GRIN2B: variants seen among roughly 807,000 people sequenced by gnomAD.
GRIN2B encodes glutamate ionotropic receptor NMDA type subunit 2B, also known as glutamate receptor ionotropic, NMDA 2B.
GRIN2B carries 5 observed loss-of-function variants against 114.5 expected under a neutral mutation model. The observed-to-expected ratio is 0.04, with a 90% CI of 0.02 to 0.09. GRIN2B has a LOEUF of 0.09. Among genes scored for constraint, GRIN2B ranks in the 10% least tolerant of loss-of-function variants. The pLI is 1.00. For synonymous variants in GRIN2B, 787 were observed against 745.1 expected (o/e 1.06, Z -0.92); for missense variants, 1,108 against 1,943.5 (o/e 0.57, Z 8.08).
At chr12:13,663,493 G>C (rs1565492654) in intron 5 of GRIN2B, among the ~76,000 whole-genome samples, 2 of 152,294 alleles carry the variant, frequency 1.3e-5, no homozygotes, top group Middle Eastern at 3.4e-3. Context: ...AATGGTTACT[G>C]AGAACCCACA....
chr12:13,783,357 G>A (rs538079655), intron 3 of GRIN2B, among the ~76,000 whole-genome samples: 10 of 152,140 alleles, frequency 6.6e-5, no homozygotes, highest in Non-Finnish European at 1.3e-4. Flanking sequence ...TAGGCAACAG[G>A]ATTCCCTATG....
rs1354455097 is a variant in GRIN2B at position 13,542,665 on chromosome 12, C to T, written c.*20118G>A. 3 of 152,312 alleles carry T rather than the reference C, an allele frequency of 2.0e-5. No individual in the cohort carries two copies. The highest frequency in any genetic ancestry group is 4.4e-5 in the Non-Finnish European group (3 of 68,092). The allele number at this position is 152,312 out of a possible 1,614,324, so 9.4% of individuals were successfully genotyped here. On this transcript the variant is annotated 3_prime_UTR_variant, in exon 14 of 14. Transcript: ENST00000609686. ...ACGAGAAGCCCAAGACCCCCAGTCC[C>T]TCTTATCACTTGGACTTTCATCCCC...
chr12:13,648,515 G>A (rs1288231465), intron 5 of GRIN2B, among the ~76,000 whole-genome samples: 2 of 151,926 alleles, frequency 1.3e-5, no homozygotes, highest in African/African-American at 4.8e-5. Context: ...AGCTTAAGGG[G>A]CAAGGTGTCA....
intron 3 of GRIN2B, among the ~76,000 whole-genome samples, chr12:13,858,320 T>C (rs1865697944): frequency 6.6e-6 from 1 of 152,132 alleles, no homozygotes; most frequent in South Asian, 2.1e-4. Context: ...CCGTGTAAAA[T>C]AGAATTATAG....
chr12:13,970,349 G>T (rs1867853818), intron 2 of GRIN2B, among the ~76,000 whole-genome samples: 1 of 152,184 alleles, frequency 6.6e-6, no homozygotes, highest in Non-Finnish European at 1.5e-5. Context: ...TCAGCCTAAA[G>T]CTGGCACTAA....
chr12:13,595,480 C>G (rs1205707929), intron 10 of GRIN2B, among the ~76,000 whole-genome samples: 1 of 152,146 alleles, frequency 6.6e-6, no homozygotes, highest in African/African-American at 2.4e-5. Context: ...TGTTTGGACT[C>G]CAAATTATCC....
chr12:13,823,770 T>G (rs2136695598), intron 3 of GRIN2B, among the ~76,000 whole-genome samples: 1 of 152,274 alleles, frequency 6.6e-6, no homozygotes. Context: ...CACTATTGAG[T>G]ATGATGTCGG....
Position 13,610,497 on chromosome 12 carries a change from T to C in GRIN2B, c.1780+1228A>G, listed in dbSNP as rs1408437209. On this transcript the variant is annotated intron_variant, in intron 9 of 13. Coordinates refer to ENST00000609686, the MANE Select transcript of GRIN2B (RefSeq NM_000834.5). The stretch of plus-strand genomic sequence containing the variant: ...CACTGGTGCCACACAGGCTGGGATA[T>C]AGGTCATGGCTTCTGGATGAAGCAC... Among the ~76,000 whole-genome samples the C allele has an allele frequency of 2.0e-5, 3 of 152,208 alleles. No individual in the cohort carries two copies. The East Asian group carries it at 5.8e-4, about 29-fold the overall frequency.
intron 2 of GRIN2B, among the ~76,000 whole-genome samples, chr12:13,923,829 A>G (rs1201431719): frequency 6.6e-6 from 1 of 152,152 alleles, no homozygotes; most frequent in Non-Finnish European, 1.5e-5. Context: ...GGGTGAAGCC[A>G]GTCTACCCTC....
chr12:13,609,884 C>T (rs1949343787), intron 9 of GRIN2B: 1 of 152,230 alleles, frequency 6.6e-6, no homozygotes, highest in Admixed American at 6.5e-5. Flanking sequence ...TTGATTTCCC[C>T]CCACCTAACC....
chr12:13,738,258 G>A (rs759414647), intron 4 of GRIN2B, among the ~76,000 whole-genome samples: 12 of 152,128 alleles, frequency 7.9e-5, no homozygotes, highest in African/African-American at 1.4e-4. Context: ...ACTTTCTAGT[G>A]CTAATAACTT....
chr12:13,821,524 T>C (rs1710653145), intron 3 of GRIN2B, among the ~76,000 whole-genome samples: 1 of 152,092 alleles, frequency 6.6e-6, no homozygotes, highest in South Asian at 2.1e-4. Flanking sequence ...AGGTGAGCAA[T>C]AGAATGGGAC....
chr12:13,750,784 T>C (rs1565523680), intron 4 of GRIN2B, among the ~76,000 whole-genome samples: 2 of 152,152 alleles, frequency 1.3e-5, no homozygotes, highest in Admixed American at 6.5e-5. Flanking sequence ...CCGTGTGCCA[T>C]GCACTGTGCA....
At chr12:13,655,627 T>G (rs1217670963) in intron 5 of GRIN2B, among the ~76,000 whole-genome samples, 1 of 152,188 alleles carries the variant, frequency 6.6e-6, no homozygotes, top group African/African-American at 2.4e-5. Context: ...TGACTAGCTG[T>G]GTCCTTCAGA....
intron 3 of GRIN2B, among the ~76,000 whole-genome samples, chr12:13,760,666 G>C (rs1341229682): frequency 2.6e-5 from 4 of 152,172 alleles, no homozygotes; most frequent in Non-Finnish European, 5.9e-5. Flanking sequence ...ATCAGATTAA[G>C]GAAGGCAAAT....
At chr12:13,597,054 C>T (rs1949082956) in intron 10 of GRIN2B, among the ~76,000 whole-genome samples, 1 of 152,196 alleles carries the variant, frequency 6.6e-6, no homozygotes, top group Non-Finnish European at 1.5e-5. Context: ...GGATCAAATC[C>T]TGGAACCCTC....
At chr12:13,838,207 C>T (rs893493169) in intron 3 of GRIN2B, among the ~76,000 whole-genome samples, 4 of 152,118 alleles carry the variant, frequency 2.6e-5, no homozygotes, top group Non-Finnish European at 5.9e-5. Context: ...AAGTGTTTAA[C>T]AAACACTACT....
At chr12:13,747,766 A>G (rs937737119) in intron 4 of GRIN2B, among the ~76,000 whole-genome samples, 8 of 152,248 alleles carry the variant, frequency 5.3e-5, no homozygotes, top group Non-Finnish European at 1.2e-4. Context: ...CTTACCATAA[A>G]TCTGCCTGTG....
chr12:13,710,129 A>C (rs1325615465), intron 4 of GRIN2B, among the ~76,000 whole-genome samples: 1 of 152,062 alleles, frequency 6.6e-6, no homozygotes, highest in Non-Finnish European at 1.5e-5. Flanking sequence ...ACATGAGTGA[A>C]TCTCAAAACA....
Sources: gnomAD v4.1 joint callset for allele counts (sites outside exome capture counted in the v4.1 genomes callset) on GRCh38, gnomAD v4.1.1 for gene constraint, MANE v1.5 for transcripts, NCBI Gene and HGNC (gene_info 2026-07-23, HGNC 2026-07-21) for gene names.